ANKRD17: variants seen among roughly 807,000 people sequenced by gnomAD.
ANKRD17 encodes ankyrin repeat domain-containing protein 17.
Under a neutral mutation model 229.7 loss-of-function variants are expected in ANKRD17, and 19 were observed. The ratio of observed to expected loss-of-function variants is 0.08; its 90% CI spans 0.06 to 0.12. The LOEUF is 0.12. Among genes scored for constraint, ANKRD17 ranks in the 10% least tolerant of loss-of-function variants. The pLI is 1.00. For missense variants in ANKRD17, 2,176 were observed against 3,176.8 expected (o/e 0.68, Z 7.57); for synonymous variants, 1,112 against 1,146.1 (o/e 0.97, Z 0.60).
intron 27 of ANKRD17, among the ~76,000 whole-genome samples, chr4:73,096,630 T>C (rs1489664073): frequency 6.6e-6 from 1 of 152,236 alleles, no homozygotes; most frequent in Non-Finnish European, 1.5e-5. Flanking sequence ...TCAGGTGTCT[T>C]ACCTCCTTTT....
At chr4:73,122,062 C>T (rs943182177) in intron 18 of ANKRD17, among the ~76,000 whole-genome samples, 4 of 151,972 alleles carry the variant, frequency 2.6e-5, no homozygotes, top group Admixed American at 6.6e-5. Context: ...CACCACAAAG[C>T]GGTAAAATAG....
chr4:73,184,945 T>C (rs1241708858), intron 1 of ANKRD17, among the ~76,000 whole-genome samples: 2 of 152,026 alleles, frequency 1.3e-5, no homozygotes, highest in Non-Finnish European at 2.9e-5. Flanking sequence ...ACTGGTAAAA[T>C]AAAGATAATT....
chr4:73,086,919 A>AAAAAAAATATATATATATATATATAT (rs1553911000), intron 29 of ANKRD17, among the ~76,000 whole-genome samples: 2 of 12,464 alleles, frequency 1.6e-4, no homozygotes, highest in Admixed American at 7.6e-4. Flanking sequence ...AAAAAAAAAA[A>AAAAAAAATATATATATATATATATAT]ATATATATAT....
At chr4:73,189,971 G>C (rs1311828137) in intron 1 of ANKRD17, among the ~76,000 whole-genome samples, 1 of 152,062 alleles carries the variant, frequency 6.6e-6, no homozygotes, top group Admixed American at 6.6e-5. Flanking sequence ...GGTATTACAG[G>C]TAAAAAAGAA....
At chr4:73,135,476 T>A (rs1728777732) in intron 15 of ANKRD17, among the ~76,000 whole-genome samples, 1 of 152,120 alleles carries the variant, frequency 6.6e-6, no homozygotes. Flanking sequence ...TAAATAATAA[T>A]CCAACTGAAA....
intron 16 of ANKRD17, among the ~76,000 whole-genome samples, chr4:73,133,945 G>A (rs1728574552): frequency 6.6e-6 from 1 of 152,152 alleles, no homozygotes; most frequent in South Asian, 2.1e-4. Context: ...CTCTCTCTTA[G>A]CTACAATGTC....
At position 73,086,506 on chromosome 4, in the gene ANKRD17, A is replaced by G. The variant is rs1722138936; in HGVS notation, c.6962-1060T>C. On this transcript the variant is annotated intron_variant, in intron 29 of 33. Coordinates refer to ENST00000358602, the MANE Select transcript of ANKRD17 (RefSeq NM_032217.5). ...AAAGTATTACAAATGTTTACACACTAAACTATTACACAAGTAACCTATCTG... is the reference window on the plus strand; with the variant it reads ...AAAGTATTACAAATGTTTACACACTGAACTATTACACAAGTAACCTATCTG... 3.3e-5 allele frequency among the ~76,000 whole-genome samples: 5 copies of G among 152,132 alleles called. No individual in the cohort carries two copies. In the South Asian group the frequency reaches 8.3e-4, roughly 25 times the overall value.
chr4:73,164,506 G>A (rs1251982191), intron 2 of ANKRD17, among the ~76,000 whole-genome samples: 1 of 151,862 alleles, frequency 6.6e-6, no homozygotes, highest in African/African-American at 2.4e-5. Flanking sequence ...AGTGAAGATC[G>A]AAAAACAGAA....
rs751616910 is a variant in ANKRD17, at chr4:73,091,663, G to T, written c.5965C>A (p.Pro1989Thr). ...TGCCTTCGGACAGAAGGTGAACTTGGACTGCCATTTGTAGATGTACCAGGC... is the reference window on the plus strand; with the variant it reads ...TGCCTTCGGACAGAAGGTGAACTTGTACTGCCATTTGTAGATGTACCAGGC... ...TVPGTSTNGS[P>T]SSPSVRRQLF... Residue 1989 changes from proline to threonine, a missense_variant, in exon 29 of 34, where the codon CCA becomes ACA. Transcript: ENST00000358602. The T allele has an allele frequency of 1.2e-6, 2 of 1,614,218 alleles. No homozygotes were observed. Among genetic ancestry groups the T allele is most frequent in the Admixed American group, 1.7e-5 (1 of 60,030 alleles).
intron 1 of ANKRD17, chr4:73,222,886 T>C (rs1742045273): frequency 1.9e-6 from 2 of 1,079,856 alleles, no homozygotes; most frequent in Admixed American, 4.0e-5. Context: ...CTCTCTCCTC[T>C]AATCTATTCA....
chr4:73,177,290 C>T lies in ANKRD17; in HGVS notation c.547+90G>A. On this transcript the variant is annotated intron_variant, in intron 2 of 33. Coordinates refer to ENST00000358602, the MANE Select transcript of ANKRD17 (RefSeq NM_032217.5). ...TATTAATAGTATCATTCTAAATACCCAATATCATTCATTTTTAACAAGAGC... is the reference window on the plus strand; with the variant it reads ...TATTAATAGTATCATTCTAAATACCTAATATCATTCATTTTTAACAAGAGC... The T allele has an allele frequency of 3.3e-6, 4 of 1,213,558 alleles. No homozygotes were observed. In the South Asian group the frequency reaches 7.7e-5, roughly 23 times the overall value. The allele number at this position is 1,213,558 out of a possible 1,614,324, so 75.2% of individuals were successfully genotyped here.
chr4:73,091,183 C>T lies in ANKRD17; in HGVS notation c.6445G>A (p.Val2149Met). 1 of 1,614,176 alleles carries T rather than the reference C, an allele frequency of 6.2e-7. No individual in the cohort carries two copies. Among genetic ancestry groups the T allele is most frequent in the Admixed American group, 1.7e-5 (1 of 60,022 alleles). ...TAAGTCACTGGGGCAGTAGAAGGCA[C>T]CGCCACTGGAGCAGAACTTGTTGCT... Reference protein sequence around the residue: ...PLATSSAPVAVPSTAPVTYPM... With the variant: ...PLATSSAPVAMPSTAPVTYPM... The change falls in exon 29 of 34, where the codon GTG becomes ATG. Residue 2149 changes from valine to methionine, a missense_variant. Physicochemically the swap from Val to Met is conservative, Grantham distance 21. Coordinates refer to ENST00000358602, the MANE Select transcript of ANKRD17 (RefSeq NM_032217.5).
intron 1 of ANKRD17, among the ~76,000 whole-genome samples, chr4:73,257,410 G>A (rs1172921099): frequency 6.6e-6 from 1 of 152,132 alleles, no homozygotes; most frequent in South Asian, 2.1e-4. Context: ...AGGACAAACC[G>A]AGAGGCCTTC....
chr4:73,091,448 A>C lies in ANKRD17; in HGVS notation c.6180T>G (p.Pro2060=). The part of the protein sequence containing the change: ...AQPGGVSRNS[P]LDCGSASPNK... ...TTGGAGATGCTGATCCACAATCCAA[A>C]GGGCTGTTTCTAGAAACCCCTCCTG... The change falls in exon 29 of 34, where the codon CCT becomes CCG. Residue 2060 remains proline, a synonymous_variant. Coordinates refer to ENST00000358602, the MANE Select transcript of ANKRD17 (RefSeq NM_032217.5). The C allele has an allele frequency of 6.2e-7, 1 of 1,614,176 alleles. No individual in the cohort carries two copies. The highest frequency in any genetic ancestry group is 8.5e-7 in the Non-Finnish European group (1 of 1,180,026).
chr4:73,097,314 T>A, intron 26 of ANKRD17, 42 bp from the exon 27 acceptor site: 4 of 1,481,428 alleles, frequency 2.7e-6, no homozygotes, highest in Non-Finnish European at 3.6e-6. Flanking sequence ...ATGGAACAGA[T>A]GTAGAATTTT....
chr4:73,100,551 GTAT>G (rs2148602192), intron 25 of ANKRD17, among the ~76,000 whole-genome samples: 1 of 151,544 alleles, frequency 6.6e-6, no homozygotes, highest in Non-Finnish European at 1.5e-5. Context: ...TGTATATTAC[GTAT>G]TATTATGTAA....
chr4:73,176,759 G>C (rs372333763), intron 2 of ANKRD17, among the ~76,000 whole-genome samples: 1 of 152,142 alleles, frequency 6.6e-6, no homozygotes, highest in South Asian at 2.1e-4. Context: ...TTAGGTGATG[G>C]ATAGCCCATT....
rs1560508092 is a variant in ANKRD17 at position 73,094,212 on chromosome 4, C to G, written c.5194G>C (p.Val1732Leu). The change falls in exon 28 of 34, where the codon GTT (valine) becomes CTT (leucine). Residue 1732 changes from valine to leucine, a missense_variant. Val to Leu is a conservative substitution (Grantham distance 32). Transcript: ENST00000358602. ...EVVRRSKKVS[V>L]PSTVISRVIG... ...ACTCTGGATATCACAGTTGATGGAA[C>G]AGATACTTTCTTTGACCTGTTTAAA... is the stretch of plus-strand genomic sequence containing the variant. The G allele has an allele frequency of 6.2e-7, 1 of 1,613,332 alleles. No individual in the cohort carries two copies. The highest frequency in any genetic ancestry group is 1.7e-5 in the Admixed American group (1 of 60,008).
intron 2 of ANKRD17, among the ~76,000 whole-genome samples, chr4:73,166,381 T>G (rs951884542): frequency 1.3e-5 from 2 of 152,136 alleles, no homozygotes; most frequent in African/African-American, 4.8e-5. Context: ...CACCAGAAGT[T>G]TAGTAACTTT....
Sources: allele counts gnomAD v4.1 joint callset (sites outside exome capture counted in the v4.1 genomes callset), GRCh38; gene constraint gnomAD v4.1.1; transcripts MANE v1.5; gene names NCBI Gene and HGNC (gene_info 2026-07-23, HGNC 2026-07-21).